Variants in ARHGAP17 observed in about 807,000 individuals in gnomAD.
The protein encoded by ARHGAP17 is Rho GTPase activating protein 17, also known as rho GTPase-activating protein 17.
Under a neutral mutation model 99.5 loss-of-function variants are expected in ARHGAP17, and 57 were observed. The observed-to-expected ratio is 0.57, with a 90% CI of 0.46 to 0.71. The LOEUF (loss-of-function observed/expected upper bound fraction) is 0.71. Ranked by LOEUF, ARHGAP17 falls within the 30% of genes least tolerant of loss-of-function variation. The probability of loss-of-function intolerance (pLI) is 0.00; values close to 1 mark genes in which losing one functional copy is unlikely to be tolerated. For synonymous variants in ARHGAP17, 417 were observed against 429.6 expected (o/e 0.97, Z 0.36); for missense variants, 1,000 against 1,122.4 (o/e 0.89, Z 1.56).
At chr16:24,956,150 CA>C (rs1190777562) in intron 9 of ARHGAP17, 1 of 152,224 alleles carries the variant, frequency 6.6e-6, no homozygotes, top group Non-Finnish European at 1.5e-5. Flanking sequence ...TGGAATCACC[CA>C]GGGGGGTTCT....
chr16:24,970,237 G>C (rs2052321694), intron 4 of ARHGAP17, among the ~76,000 whole-genome samples: 1 of 152,140 alleles, frequency 6.6e-6, no homozygotes, highest in Non-Finnish European at 1.5e-5. Flanking sequence ...CCAAGATTAG[G>C]GGAATAGGCA....
At chr16:24,970,721 G>A (rs1338196905) in intron 3 of ARHGAP17, 141 bp from the exon 4 acceptor site, 2 of 725,462 alleles carry the variant, frequency 2.8e-6, no homozygotes, top group Non-Finnish European at 4.8e-6. Flanking sequence ...TCAGGTTCTG[G>A]TCTCACAGAT....
chr16:24,963,107 A>G (rs1295091151), intron 7 of ARHGAP17, among the ~76,000 whole-genome samples: 3 of 152,256 alleles, frequency 2.0e-5, no homozygotes, highest in Non-Finnish European at 4.4e-5. Flanking sequence ...AATAGCCAGG[A>G]TCTAGGTTAG....
At chr16:24,927,211 C>T (rs2050865841) in intron 19 of ARHGAP17, among the ~76,000 whole-genome samples, 1 of 152,182 alleles carries the variant, frequency 6.6e-6, no homozygotes, top group Admixed American at 6.5e-5. Flanking sequence ...GCGGAGCTTG[C>T]AGTGAGCCGA....
chr16:24,975,258 G>A lies in ARHGAP17; in HGVS notation c.198+1957C>T, dbSNP rs78026591. 1.1e-4 allele frequency among the ~76,000 whole-genome samples: 17 copies of A among 152,356 alleles called. No individual in the cohort carries two copies. In the East Asian group the frequency reaches 3.3e-3, roughly 29 times the overall value. On this transcript the variant is annotated intron_variant, in intron 3 of 19. Coordinates refer to ENST00000289968, the MANE Select transcript of ARHGAP17 (RefSeq NM_001006634.3). ...CAACACAGAAGGAAGAACTGATCATGCATGCTAGAATAGACATCTAAGAGA... is the reference window on the plus strand; with the variant it reads ...CAACACAGAAGGAAGAACTGATCATACATGCTAGAATAGACATCTAAGAGA...
intron 1 of ARHGAP17, among the ~76,000 whole-genome samples, chr16:24,983,478 T>A (rs7191426): frequency 0.32 from 47,817 of 151,390 alleles, 7,752 homozygotes; most frequent in East Asian, 0.5. Context: ...ATTTTTAAAA[T>A]TTTTTTTATA....
chr16:24,924,385 T>TA (rs555236161), intron 19 of ARHGAP17, among the ~76,000 whole-genome samples: 5 of 150,014 alleles, frequency 3.3e-5, no homozygotes, highest in East Asian at 1.9e-4. Flanking sequence ...ATTTCAAAAT[T>TA]AAAAAAAAGC....
intron 7 of ARHGAP17, among the ~76,000 whole-genome samples, chr16:24,961,450 G>C (rs1456126304): frequency 6.7e-6 from 1 of 149,070 alleles, no homozygotes; most frequent in African/African-American, 2.5e-5. Context: ...GGATTGCTTG[G>C]AGCCAGGAAT....
chr16:25,001,737 A>G (rs1358184510), intron 1 of ARHGAP17, among the ~76,000 whole-genome samples: 2 of 152,144 alleles, frequency 1.3e-5, no homozygotes, highest in African/African-American at 4.8e-5. Flanking sequence ...AGTATTTGTA[A>G]GAGACCAGCT....
intron 12 of ARHGAP17, among the ~76,000 whole-genome samples, chr16:24,950,836 CAA>C (rs1177614713): frequency 6.3e-4 from 25 of 39,426 alleles, no homozygotes; most frequent in African/African-American, 2.0e-3. Flanking sequence ...GACTCCAACT[CAA>C]AAAAAAAAAA....
At chr16:24,965,401 C>T (rs1320295120) in intron 6 of ARHGAP17, among the ~76,000 whole-genome samples, 1 of 152,160 alleles carries the variant, frequency 6.6e-6, no homozygotes, top group Non-Finnish European at 1.5e-5. Context: ...ACCTGGGAGG[C>T]AGAGCTTGCA....
At chr16:24,982,451 A>C (rs559117954) in intron 1 of ARHGAP17, among the ~76,000 whole-genome samples, 1 of 152,310 alleles carries the variant, frequency 6.6e-6, no homozygotes, top group East Asian at 1.9e-4. Flanking sequence ...ACCCAACTAG[A>C]GATTAAAAGT....
chr16:24,992,113 G>A (rs2053061132), intron 1 of ARHGAP17, among the ~76,000 whole-genome samples: 2 of 152,182 alleles, frequency 1.3e-5, no homozygotes, highest in South Asian at 2.1e-4. Context: ...TGTGGCTGCA[G>A]AGAAAGGCTT....
chr16:24,951,860 T>C (rs1741940526), intron 12 of ARHGAP17, among the ~76,000 whole-genome samples: 2 of 152,212 alleles, frequency 1.3e-5, no homozygotes, highest in South Asian at 2.1e-4. Flanking sequence ...TTTGCAATTA[T>C]GTAGGGTATC....
intron 12 of ARHGAP17, among the ~76,000 whole-genome samples, chr16:24,949,964 G>A (rs2051585847): frequency 6.6e-6 from 1 of 152,168 alleles, no homozygotes; most frequent in African/African-American, 2.4e-5. Context: ...GCCCATTTCT[G>A]TTGTGAAGCA....
chr16:24,971,856 G>A (rs950018091), intron 3 of ARHGAP17, among the ~76,000 whole-genome samples: 1 of 152,182 alleles, frequency 6.6e-6, no homozygotes, highest in Admixed American at 6.5e-5. Context: ...GCCTGGCCAG[G>A]CATCCCAGGG....
Position 24,949,549 on chromosome 16 carries a change from T to C in ARHGAP17, c.1047-65A>G, listed in dbSNP as rs146248602. On this transcript the variant is annotated intron_variant, in intron 12 of 19. Transcript: ENST00000289968. Reference sequence around the variant, plus strand: ...CACCAATTATCTTATTAATATGCTATGTTAAAAATGAGGCCTCCATTTTGA... The same window carrying C: ...CACCAATTATCTTATTAATATGCTACGTTAAAAATGAGGCCTCCATTTTGA... 345 of 1,407,718 alleles carry C rather than the reference T, an allele frequency of 2.5e-4. 1 individual carries two copies. In the African/African-American group the frequency reaches 4.2e-3, roughly 17 times the overall value. 87.2% of individuals were successfully genotyped at this position (1,407,718 alleles called of 1,614,324 possible). A position where few individuals can be genotyped will look rare whatever the true frequency, so the allele number is the denominator to read the frequency against.
chr16:24,969,538 T>C (rs530480905), intron 4 of ARHGAP17, among the ~76,000 whole-genome samples: 2 of 152,342 alleles, frequency 1.3e-5, no homozygotes, highest in East Asian at 3.9e-4. Flanking sequence ...GTCTGTAAAA[T>C]GGGAGTGATG....
intron 1 of ARHGAP17, among the ~76,000 whole-genome samples, chr16:24,988,675 T>C (rs895460347): frequency 3.3e-5 from 5 of 152,220 alleles, no homozygotes; most frequent in African/African-American, 1.2e-4. Context: ...ACATGTAAGC[T>C]TACCCACGCA....
Sources: allele counts gnomAD v4.1 joint callset (sites outside exome capture counted in the v4.1 genomes callset), GRCh38; gene constraint gnomAD v4.1.1; transcripts MANE v1.5; gene names NCBI Gene and HGNC (gene_info 2026-07-23, HGNC 2026-07-21).